Variants in ZNF567 observed in about 807,000 individuals in gnomAD.
ZNF567 encodes the protein zinc finger protein 567.
A neutral mutation model predicts 53.9 loss-of-function variants in ZNF567; 36 were observed. The observed-to-expected ratio is 0.67, with a 90% CI of 0.51 to 0.88. ZNF567 has a LOEUF of 0.88. ZNF567 is among the 40% of genes least tolerant of loss of function. The probability of loss-of-function intolerance (pLI) is 0.00; values close to 1 mark genes in which losing one functional copy is unlikely to be tolerated. For missense variants in ZNF567, 619 were observed against 764.7 expected, an observed-to-expected ratio of 0.81 and a Z score of 2.25; for synonymous variants, 224 against 260.4, an observed-to-expected ratio of 0.86 and a Z score of 1.35.
intron 2 of ZNF567, among the ~76,000 whole-genome samples, chr19:36,693,254 C>T (rs993543166): frequency 2.0e-5 from 3 of 152,094 alleles, no homozygotes; most frequent in African/African-American, 7.2e-5. Context: ...GGCCACTGCA[C>T]TCCATCCTGG....
the ZNF567 span, among the ~76,000 whole-genome samples, chr19:36,681,302 C>A: frequency 6.6e-6 from 1 of 151,972 alleles, no homozygotes; most frequent in African/African-American, 2.4e-5. Flanking sequence ...TGGCCTGTCT[C>A]CATATTATTT....
At chr19:36,693,142 GC>G (rs1427876755) in intron 2 of ZNF567, among the ~76,000 whole-genome samples, 1 of 151,888 alleles carries the variant, frequency 6.6e-6, no homozygotes, top group Non-Finnish European at 1.5e-5. Flanking sequence ...AAAAAAGTTA[GC>G]CGGTCTTGAT....
chr19:36,704,408 G>T (rs536664852), intron 3 of ZNF567, among the ~76,000 whole-genome samples: 1 of 152,104 alleles, frequency 6.6e-6, no homozygotes, highest in African/African-American at 2.4e-5. Context: ...GCAACAAAGA[G>T]TAAAACTCCA....
chr19:36,689,232 T>TGA lies in ZNF567; in HGVS notation c.-167-161_-167-160dup, dbSNP rs756898840. On this transcript the variant is annotated intron_variant, in intron 1 of 5. Transcript: ENST00000682579. Reference sequence around the variant, plus strand: ...AACTGCCACTCTCAAAATTCCTATTTGAGAGTGTGTGTGTGTGTGTGTGTG... The same window carrying TGA: ...AACTGCCACTCTCAAAATTCCTATTTGAGAGAGTGTGTGTGTGTGTGTGTGTG... 4.8e-3 allele frequency among the ~76,000 whole-genome samples: 625 copies of TGA among 129,458 alleles called. 5 individuals are homozygous for TGA. The highest frequency in any genetic ancestry group is 7.8e-3 in the Middle Eastern group (2 of 258). The allele number at this position is 129,458 out of a possible 152,430, so 84.9% of individuals were successfully genotyped here. A position where few individuals can be genotyped will look rare whatever the true frequency, so the allele number is the denominator to read the frequency against.
At chr19:36,667,279 A>G in the ZNF567 span, among the ~76,000 whole-genome samples, 1 of 151,510 alleles carries the variant, frequency 6.6e-6, no homozygotes, top group Non-Finnish European at 1.5e-5. Flanking sequence ...GCGGTGGCTC[A>G]CGCCAAGGCG....
At chr19:36,679,871 A>G in the ZNF567 span, among the ~76,000 whole-genome samples, 1 of 152,176 alleles carries the variant, frequency 6.6e-6, no homozygotes, top group Non-Finnish European at 1.5e-5. Context: ...GTTAACAGGT[A>G]CAAAGTTTTG....
chr19:36,693,125 C>CAA (rs796211227), intron 2 of ZNF567, among the ~76,000 whole-genome samples: 17 of 142,044 alleles, frequency 1.2e-4, no homozygotes, highest in African/African-American at 4.1e-4. Flanking sequence ...CCATTTCTAC[C>CAA]AAAAAAAAAA....
At chr19:36,707,586 G>A (rs1458118043) in intron 3 of ZNF567, among the ~76,000 whole-genome samples, 2 of 151,636 alleles carry the variant, frequency 1.3e-5, no homozygotes, top group Non-Finnish European at 2.9e-5. Context: ...TTTTGTTGTT[G>A]TTGTTGTTGA....
downstream of ZNF567, among the ~76,000 whole-genome samples, chr19:36,725,391 C>T (rs891910369): frequency 1.3e-5 from 2 of 151,826 alleles, no homozygotes; most frequent in Non-Finnish European, 1.5e-5. Flanking sequence ...TTAGTAGAAG[C>T]GGGGTTTCAC....
intron 3 of ZNF567, among the ~76,000 whole-genome samples, chr19:36,701,133 C>T (rs56319939): frequency 0.2 from 30,441 of 151,960 alleles, 3,137 homozygotes; most frequent in Middle Eastern, 0.26. Context: ...CTTTTGTTCT[C>T]GTTGGTTTCA....
intron 5 of ZNF567, 57 bp downstream of exon 5, chr19:36,712,924 C>T (rs2039864128): frequency 5.9e-6 from 8 of 1,359,544 alleles, no homozygotes; most frequent in Admixed American, 2.0e-5. Context: ...TTAAAAGGGT[C>T]AAGTGGGGGT....
chr19:36,674,697 A>G, the ZNF567 span, among the ~76,000 whole-genome samples: 4 of 152,162 alleles, frequency 2.6e-5, no homozygotes. Flanking sequence ...TTAACATAAG[A>G]GAAATAATTC....
chr19:36,723,715 T>A (rs1337487469), downstream of ZNF567, among the ~76,000 whole-genome samples: 1 of 151,988 alleles, frequency 6.6e-6, no homozygotes, highest in African/African-American at 2.4e-5. Context: ...ATTCCTGTAA[T>A]CCCAGCTACT....
At chr19:36,713,256 A>G (rs1009568532) in intron 5 of ZNF567, among the ~76,000 whole-genome samples, 1 of 152,056 alleles carries the variant, frequency 6.6e-6, no homozygotes, top group Non-Finnish European at 1.5e-5. Flanking sequence ...GGAGTTTGCA[A>G]CCAGCCTGAG....
In ZNF567 at chr19:36,719,493, G is replaced by C. The variant is rs1424560483; in HGVS notation, c.769G>C (p.Glu257Gln). 1.2e-6 allele frequency: 2 copies of C among 1,612,658 alleles called. No homozygotes were observed. The highest frequency in any genetic ancestry group is 1.7e-5 in the Admixed American group (1 of 59,710). Residue 257 changes from glutamate to glutamine, a missense_variant, in exon 6 of 6, where the codon GAA becomes CAA. Glu to Gln is a conservative substitution (Grantham distance 29). Coordinates refer to ENST00000682579, the MANE Select transcript of ZNF567 (RefSeq NM_001322917.1). ...TNIEKKHTCN[E>Q]CGKSFCRKSV... Reference sequence around the variant, plus strand: ...TATTGAAAAAAAACATACATGCAATGAATGTGGGAAATCTTTCTGCAGGAA... The same window carrying C: ...TATTGAAAAAAAACATACATGCAATCAATGTGGGAAATCTTTCTGCAGGAA...
At chr19:36,676,130 C>T in the ZNF567 span, among the ~76,000 whole-genome samples, 9 of 127,504 alleles carry the variant, frequency 7.1e-5, no homozygotes, top group East Asian at 1.1e-3. Context: ...GCAGTGGCAC[C>T]ATCTTGGCTC....
intron 5 of ZNF567, among the ~76,000 whole-genome samples, chr19:36,713,801 G>A (rs2039908673): frequency 6.6e-6 from 1 of 152,188 alleles, no homozygotes; most frequent in South Asian, 2.1e-4. Context: ...TGGGTGTGGT[G>A]GCACATGCCT....
At chr19:36,710,754 T>G (rs1239891679) in intron 3 of ZNF567, among the ~76,000 whole-genome samples, 1 of 152,208 alleles carries the variant, frequency 6.6e-6, no homozygotes, top group African/African-American at 2.4e-5. Flanking sequence ...CTACACTTCC[T>G]GCTGCTTTGT....
intron 2 of ZNF567, among the ~76,000 whole-genome samples, chr19:36,690,719 T>C (rs1399703095): frequency 1.3e-5 from 2 of 152,212 alleles, no homozygotes; most frequent in Non-Finnish European, 2.9e-5. Flanking sequence ...TAAAATTAGG[T>C]TGTGGATGAT....
Sources: gnomAD v4.1 joint callset for allele counts (sites outside exome capture counted in the v4.1 genomes callset) on GRCh38, gnomAD v4.1.1 for gene constraint, MANE v1.5 for transcripts, NCBI Gene and HGNC (gene_info 2026-07-23, HGNC 2026-07-21) for gene names.